Variants in ANO3 observed in about 807,000 individuals in gnomAD.
ANO3 encodes anoctamin 3.
In ANO3, 99 loss-of-function variants were observed where a neutral mutation model predicts 144.8. The ratio of observed to expected loss-of-function variants is 0.68; its 90% CI spans 0.58 to 0.81. ANO3 has a LOEUF of 0.81. Among genes scored for constraint, ANO3 ranks in the 30% least tolerant of loss-of-function variants. The pLI is 0.00. For missense variants in ANO3, 905 were observed against 1,202.2 expected, an observed-to-expected ratio of 0.75 and a Z score of 3.66; for synonymous variants, 414 against 392.6, an observed-to-expected ratio of 1.05 and a Z score of -0.64.
intron 4 of ANO3, among the ~76,000 whole-genome samples, chr11:26,463,885 C>A (rs745567333): frequency 1.2e-4 from 18 of 151,152 alleles, no homozygotes; most frequent in Non-Finnish European, 1.9e-4. Context: ...AATCCTAGCT[C>A]AGGATAAGCT....
At chr11:26,321,178 G>A (rs1014816005) in intron 1 of ANO3, among the ~76,000 whole-genome samples, 3 of 151,912 alleles carry the variant, frequency 2.0e-5, no homozygotes, top group Admixed American at 1.3e-4. Context: ...CAAGATGCAT[G>A]CTTCTATTTC....
intron 1 of ANO3, among the ~76,000 whole-genome samples, chr11:26,274,809 A>T (rs1853522215): frequency 6.6e-6 from 1 of 152,094 alleles, no homozygotes. Context: ...TAATTTTTTT[A>T]AAGATTTTTT....
intron 13 of ANO3, among the ~76,000 whole-genome samples, chr11:26,553,993 A>G (rs369433284): frequency 2.4e-4 from 36 of 152,306 alleles, no homozygotes; most frequent in African/African-American, 8.4e-4. Flanking sequence ...ATGAATTGAT[A>G]TATTTTGTTA....
chr11:26,456,464 A>T lies in ANO3; in HGVS notation c.314-6566A>T, dbSNP rs1345689543. On this transcript the variant is annotated intron_variant, in intron 3 of 26. Transcript: ENST00000256737. ...GAAGACATTTACGCAGCCAAAAAAC[A>T]CATGAAAAAATTCTCATCATCACTG... Among the ~76,000 whole-genome samples, 7 of 151,650 alleles carry T rather than the reference A, an allele frequency of 4.6e-5. No homozygotes were observed. The East Asian group carries it at 1.4e-3, about 29-fold the overall frequency.
intron 3 of ANO3, among the ~76,000 whole-genome samples, chr11:26,449,953 A>G (rs138537100): frequency 0.012 from 1,869 of 151,996 alleles, 28 homozygotes; most frequent in African/African-American, 0.042. Context: ...ATGGGGTTTT[A>G]CCATGTTGGG....
intron 3 of ANO3, among the ~76,000 whole-genome samples, chr11:26,448,888 C>T (rs891766150): frequency 2.0e-5 from 3 of 152,156 alleles, no homozygotes; most frequent in Admixed American, 6.5e-5. Context: ...TCTGTTGGTA[C>T]GCTGGTACAA....
At chr11:26,481,076 GAA>G (rs1331346017) in intron 4 of ANO3, among the ~76,000 whole-genome samples, 2 of 151,828 alleles carry the variant, frequency 1.3e-5, no homozygotes, top group Non-Finnish European at 2.9e-5. Context: ...GAAAAACTTA[GAA>G]AAGTACCAGC....
chr11:26,226,279 G>A (rs1852255322), intron 1 of ANO3, among the ~76,000 whole-genome samples: 1 of 151,528 alleles, frequency 6.6e-6, no homozygotes, highest in Non-Finnish European at 1.5e-5. Flanking sequence ...AATTAAATAT[G>A]TGATTATTAA....
chr11:26,359,974 T>G (rs1318635593), intron 1 of ANO3, among the ~76,000 whole-genome samples: 1 of 102,900 alleles, frequency 9.7e-6, no homozygotes, highest in Non-Finnish European at 2.1e-5. Flanking sequence ...ACATAAATTT[T>G]ATATTTATAT....
intron 4 of ANO3, among the ~76,000 whole-genome samples, chr11:26,503,711 A>G (rs1440187599): frequency 6.6e-6 from 1 of 152,128 alleles, no homozygotes; most frequent in Admixed American, 6.5e-5. Flanking sequence ...AAATTTGGGT[A>G]TAATAGGTTA....
At chr11:26,206,491 T>C (rs1851796641) in intron 1 of ANO3, among the ~76,000 whole-genome samples, 1 of 152,130 alleles carries the variant, frequency 6.6e-6, no homozygotes, top group Non-Finnish European at 1.5e-5. Flanking sequence ...TAGCTTCTAT[T>C]TTAATAAGAA....
intron 4 of ANO3, among the ~76,000 whole-genome samples, chr11:26,505,213 G>A (rs1413997461): frequency 6.6e-6 from 1 of 151,810 alleles, no homozygotes; most frequent in Non-Finnish European, 1.5e-5. Context: ...TGTTTGATGG[G>A]TAAGAAAAAG....
In ANO3 at chr11:26,656,259, C is replaced by A. The variant is rs370814112; in HGVS notation, c.2657+54C>A. On this transcript the variant is annotated intron_variant, in intron 25 of 26. Coordinates refer to ENST00000256737, the MANE Select transcript of ANO3 (RefSeq NM_031418.4). ...GCTTTCACCATTCCAAGTACTCCCC[C>A]CTGCATGTTAATGAGGACATTTAAA... 5.8e-5 allele frequency: 89 copies of A among 1,527,934 alleles called. No homozygotes were observed. The African/African-American group carries it at 1.0e-3, about 17-fold the overall frequency. 94.6% of individuals were successfully genotyped at this position (1,527,934 alleles called of 1,614,324 possible).
chr11:26,397,278 AT>A (rs1311233149), intron 1 of ANO3, among the ~76,000 whole-genome samples: 2 of 151,980 alleles, frequency 1.3e-5, no homozygotes, highest in East Asian at 1.9e-4. Flanking sequence ...ATGTACATGT[AT>A]TTTTTTTCTA....
upstream of ANO3, among the ~76,000 whole-genome samples, chr11:26,330,822 ACT>A (rs1378860366): frequency 1.3e-5 from 2 of 152,194 alleles, no homozygotes; most frequent in Admixed American, 1.3e-4. Flanking sequence ...TACAATAATA[ACT>A]CAATATTTTT....
At chr11:26,242,813 A>G (rs2133812298) in intron 1 of ANO3, among the ~76,000 whole-genome samples, 1 of 152,344 alleles carries the variant, frequency 6.6e-6, no homozygotes. Flanking sequence ...AGTAAATACA[A>G]AGCCCTTAGC....
upstream of ANO3, among the ~76,000 whole-genome samples, chr11:26,304,865 A>C (rs926005294): frequency 5.9e-5 from 9 of 152,148 alleles, no homozygotes; most frequent in Non-Finnish European, 1.0e-4. Context: ...TATGTATTTT[A>C]AGTTTTTAAA....
intron 1 of ANO3, among the ~76,000 whole-genome samples, chr11:26,300,234 A>G (rs936859676): frequency 6.6e-6 from 1 of 152,080 alleles, no homozygotes; most frequent in Non-Finnish European, 1.5e-5. Context: ...ACACACAGAC[A>G]CACGCATACA....
At chr11:26,416,551 C>T (rs145474636) in intron 1 of ANO3, among the ~76,000 whole-genome samples, 2,048 of 151,982 alleles carry the variant, frequency 0.013, 15 homozygotes, top group Non-Finnish European at 0.023. Context: ...ATCAACCTCC[C>T]GAGTAGCTGG....
Sources: allele counts gnomAD v4.1 joint callset (sites outside exome capture counted in the v4.1 genomes callset), GRCh38; gene constraint gnomAD v4.1.1; transcripts MANE v1.5; gene names NCBI Gene and HGNC (gene_info 2026-07-23, HGNC 2026-07-21).